Variants in CHSY1 observed in about 807,000 individuals in gnomAD.
CHSY1 encodes chondroitin sulfate synthase 1.
A neutral mutation model predicts 59.8 loss-of-function variants in CHSY1; 13 were observed. The observed-to-expected ratio is 0.22, with a 90% CI of 0.14 to 0.35. The LOEUF is 0.35. Ranked by LOEUF, CHSY1 falls within the 10% of genes least tolerant of loss-of-function variation. The probability of loss-of-function intolerance (pLI) is 1.00; values close to 1 mark genes in which losing one functional copy is unlikely to be tolerated. For synonymous variants in CHSY1, 459 were observed against 401.2 expected (o/e 1.14, Z -1.72); for missense variants, 947 against 1,030.6 (o/e 0.92, Z 1.11).
chr15:101,228,478 A>G (rs372858508), intron 2 of CHSY1, among the ~76,000 whole-genome samples: 1 of 152,194 alleles, frequency 6.6e-6, no homozygotes, highest in Non-Finnish European at 1.5e-5. Context: ...AAGAAAAGCA[A>G]CTCATGACAT....
intron 1 of CHSY1, among the ~76,000 whole-genome samples, chr15:101,235,868 G>C (rs2038935770): frequency 6.6e-6 from 1 of 152,154 alleles, no homozygotes; most frequent in African/African-American, 2.4e-5. Context: ...TGGGTATACA[G>C]ATTAATTTTG....
At chr15:101,181,260 G>C (rs1039233705) in intron 2 of CHSY1, among the ~76,000 whole-genome samples, 3 of 152,226 alleles carry the variant, frequency 2.0e-5, no homozygotes, top group Non-Finnish European at 4.4e-5. Context: ...GCCTAACTGA[G>C]AGCTAGCAGA....
intron 2 of CHSY1, among the ~76,000 whole-genome samples, chr15:101,203,470 T>C (rs1448451339): frequency 6.6e-6 from 1 of 151,616 alleles, no homozygotes; most frequent in East Asian, 1.9e-4. Flanking sequence ...AATATCATCA[T>C]TTGACAAACA....
rs536294443 is a variant in CHSY1 at position 101,199,535 on chromosome 15, T to C, written c.817-20555A>G. 4.6e-5 allele frequency among the ~76,000 whole-genome samples: 7 copies of C among 152,152 alleles called. No homozygotes were observed. The South Asian group carries it at 1.2e-3, about 27-fold the overall frequency. ...AACAAACGAACAAACAAAAAACACA[T>C]CATTTCAGATGAAACAGTTCTGGAG... is the stretch of plus-strand genomic sequence containing the variant. On this transcript the variant is annotated intron_variant, in intron 2 of 2. Coordinates refer to ENST00000254190, the MANE Select transcript of CHSY1 (RefSeq NM_014918.5).
Position 101,177,359 on chromosome 15 carries a change from A to G in CHSY1, c.*29T>C, listed in dbSNP as rs1567335120. 1 of 1,591,224 alleles carries G rather than the reference A, an allele frequency of 6.3e-7. No homozygotes were observed. Among genetic ancestry groups the G allele is most frequent in the South Asian group, 1.2e-5 (1 of 86,134 alleles). ...TTTTTGAAAAATAAATTAGATAATT[A>G]AAAACGTCTTTTCCAGCAAAGCTGG... On this transcript the variant is annotated 3_prime_UTR_variant, in exon 3 of 3. Transcript: ENST00000254190.
At chr15:101,243,134 G>A (rs2039018784) in intron 1 of CHSY1, among the ~76,000 whole-genome samples, 2 of 152,232 alleles carry the variant, frequency 1.3e-5, no homozygotes, top group African/African-American at 4.8e-5. Flanking sequence ...GGCATTCCAA[G>A]GTATTAAGAG....
At chr15:101,248,046 G>GA (rs1555437608) in intron 1 of CHSY1, among the ~76,000 whole-genome samples, 1 of 151,156 alleles carries the variant, frequency 6.6e-6, no homozygotes, top group Non-Finnish European at 1.5e-5. Flanking sequence ...TTGTTTTTTT[G>GA]TTTTTTTTAA....
intron 2 of CHSY1, among the ~76,000 whole-genome samples, chr15:101,214,929 C>T (rs2038716967): frequency 1.3e-5 from 2 of 152,134 alleles, no homozygotes; most frequent in African/African-American, 4.8e-5. Context: ...AGGTTTAGCA[C>T]CTCCCCTTGG....
intron 2 of CHSY1, among the ~76,000 whole-genome samples, chr15:101,203,801 T>A (rs1462766805): frequency 6.6e-6 from 1 of 152,050 alleles, no homozygotes; most frequent in East Asian, 1.9e-4. Flanking sequence ...AAATAACTCA[T>A]CTGTACTTTT....
At chr15:101,190,884 C>T (rs1156515294) in intron 2 of CHSY1, among the ~76,000 whole-genome samples, 2 of 152,120 alleles carry the variant, frequency 1.3e-5, no homozygotes, top group East Asian at 1.9e-4. Flanking sequence ...CGAGATGCCA[C>T]GACACACCTA....
chr15:101,208,090 A>C (rs754846458), intron 2 of CHSY1, among the ~76,000 whole-genome samples: 2 of 152,242 alleles, frequency 1.3e-5, no homozygotes, highest in Non-Finnish European at 2.9e-5. Context: ...CTGTCAAATA[A>C]AGCAATTACA....
chr15:101,220,740 C>T (rs549266348), intron 2 of CHSY1, among the ~76,000 whole-genome samples: 1 of 152,340 alleles, frequency 6.6e-6, no homozygotes, highest in East Asian at 1.9e-4. Context: ...CCTCACAGGA[C>T]GCTGCCCCTC....
intron 2 of CHSY1, among the ~76,000 whole-genome samples, chr15:101,193,391 A>G (rs2141248600): frequency 6.6e-6 from 1 of 152,364 alleles, no homozygotes; most frequent in South Asian, 2.1e-4. Context: ...GAAGCTTTCC[A>G]GAGGGAATCA....
chr15:101,225,457 T>G (rs2038832092), intron 2 of CHSY1, among the ~76,000 whole-genome samples: 1 of 152,212 alleles, frequency 6.6e-6, no homozygotes, highest in Non-Finnish European at 1.5e-5. Flanking sequence ...CCATATCTCA[T>G]GTTGAAATGT....
intron 2 of CHSY1, among the ~76,000 whole-genome samples, chr15:101,217,878 A>G (rs1332421584): frequency 1.3e-5 from 2 of 152,184 alleles, no homozygotes; most frequent in Admixed American, 1.3e-4. Flanking sequence ...TCTCCTGAAG[A>G]GCACAGTATG....
chr15:101,218,378 C>T (rs1252950657), intron 2 of CHSY1, among the ~76,000 whole-genome samples: 1 of 152,106 alleles, frequency 6.6e-6, no homozygotes, highest in Non-Finnish European at 1.5e-5. Flanking sequence ...AGGTGGATCT[C>T]CTGAGGTCAG....
intron 2 of CHSY1, among the ~76,000 whole-genome samples, chr15:101,196,242 A>C (rs552214666): frequency 5.3e-4 from 80 of 152,140 alleles, no homozygotes; most frequent in Non-Finnish European, 9.3e-4. Flanking sequence ...AAAAAAAAAA[A>C]AAAACATATA....
At position 101,177,999 on chromosome 15, in the gene CHSY1, G is replaced by A. The variant is rs1464617686; in HGVS notation, c.1798C>T (p.Gln600Ter). Residue 600 changes from glutamine (Q) to a stop codon, truncating the protein, a stop_gained, in exon 3 of 3, where the codon CAG (glutamine) becomes TAG (stop). Coordinates refer to ENST00000254190, the MANE Select transcript of CHSY1 (RefSeq NM_014918.5). LOFTEE classifies it high-confidence loss of function. ...YRIKYPKADM[Q>*]ILPVSGEFSR... ...AACTCTCCAGACACAGGCAAAATCTGCATGTCGGCTTTAGGGTACTTAATG... is the reference window on the plus strand; with the variant it reads ...AACTCTCCAGACACAGGCAAAATCTACATGTCGGCTTTAGGGTACTTAATG... 6.2e-7 allele frequency: 1 copy of A among 1,614,204 alleles called. No individual in the cohort carries two copies. The highest frequency in any genetic ancestry group is 1.1e-5 in the South Asian group (1 of 91,088).
chr15:101,249,328 C>T (rs1452024682), intron 1 of CHSY1, among the ~76,000 whole-genome samples: 1 of 150,542 alleles, frequency 6.6e-6, no homozygotes, highest in Non-Finnish European at 1.5e-5. Flanking sequence ...CAAAACCATG[C>T]TGTAAATAAT....
Sources: gnomAD v4.1 joint callset for allele counts (sites outside exome capture counted in the v4.1 genomes callset) on GRCh38, gnomAD v4.1.1 for gene constraint, MANE v1.5 for transcripts, NCBI Gene and HGNC (gene_info 2026-07-23, HGNC 2026-07-21) for gene names.